FAR1: variants seen among roughly 807,000 people sequenced by gnomAD.
The protein encoded by FAR1 is male sterility domain-containing protein 2.
A neutral mutation model predicts 61.1 loss-of-function variants in FAR1; 22 were observed. The ratio of observed to expected loss-of-function variants is 0.36; its 90% CI spans 0.26 to 0.51. FAR1 has a LOEUF of 0.51. Ranked by LOEUF, FAR1 falls within the 20% of genes least tolerant of loss-of-function variation. The probability of loss-of-function intolerance (pLI) is 0.95; values close to 1 mark genes in which losing one functional copy is unlikely to be tolerated. For synonymous variants in FAR1, 206 were observed against 209.7 expected (o/e 0.98, Z 0.15); for missense variants, 359 against 626.9 (o/e 0.57, Z 4.56).
intron 1 of FAR1, among the ~76,000 whole-genome samples, chr11:13,678,335 G>A (rs574124800): frequency 2.0e-5 from 3 of 152,076 alleles, no homozygotes; most frequent in Non-Finnish European, 4.4e-5. Flanking sequence ...TGCGATCTCC[G>A]CTCACTGCAA....
intron 3 of FAR1, among the ~76,000 whole-genome samples, chr11:13,703,588 T>C (rs1352578996): frequency 6.6e-6 from 1 of 152,154 alleles, no homozygotes; most frequent in Non-Finnish European, 1.5e-5. Context: ...ATAACCATAA[T>C]GTAGGATAGA....
chr11:13,729,080 CTG>C lies in FAR1; in HGVS notation c.*309_*310del, dbSNP rs1848694774. 1 of 203,650 alleles carries C rather than the reference CTG, an allele frequency of 4.9e-6. No individual in the cohort carries two copies. Among genetic ancestry groups the C allele is most frequent in the Non-Finnish European group, 1.0e-5 (1 of 99,040 alleles). The allele number at this position is 203,650 out of a possible 1,614,324, so 12.6% of individuals were successfully genotyped here. A position where few individuals can be genotyped will look rare whatever the true frequency, so the allele number is the denominator to read the frequency against. On this transcript the variant is annotated 3_prime_UTR_variant, in exon 12 of 12. Coordinates refer to ENST00000354817, the MANE Select transcript of FAR1 (RefSeq NM_032228.6). ...GAAATAGGAACACTGACCAGTATAA[CTG>C]TGCAATTCTGGAACATATTAATTAA... is the stretch of plus-strand genomic sequence containing the variant.
chr11:13,677,286 A>G (rs10500796), intron 1 of FAR1, among the ~76,000 whole-genome samples: 29,059 of 152,146 alleles, frequency 0.19, 2,936 homozygotes, highest in Non-Finnish European at 0.2. Flanking sequence ...GCTTAATTCC[A>G]TTCCACAGTT....
chr11:13,670,724 T>A lies in FAR1; in HGVS notation c.-8+1918T>A, dbSNP rs192155498. On this transcript the variant is annotated intron_variant, in intron 1 of 11. Transcript: ENST00000354817. ...CTAAGTAGCTTGAGGGTTTTTTTTT[T>A]TTTTTCACTCAGGAAAGACATGGTA... Among the ~76,000 whole-genome samples the A allele has an allele frequency of 2.4e-3, 363 of 152,102 alleles. 1 individual carries two copies. The highest frequency in any genetic ancestry group is 5.2e-3 in the Admixed American group (80 of 15,282).
chr11:13,702,400 A>T (rs1216009674), intron 3 of FAR1, among the ~76,000 whole-genome samples: 1 of 152,142 alleles, frequency 6.6e-6, no homozygotes. Flanking sequence ...TAAAAGTAAC[A>T]CCTATAAGAA....
intron 10 of FAR1, among the ~76,000 whole-genome samples, chr11:13,725,780 A>T (rs1281987562): frequency 3.9e-5 from 6 of 152,134 alleles, no homozygotes; most frequent in Non-Finnish European, 8.8e-5. Context: ...TAAGCAGCAT[A>T]TAGCTGTTAG....
intron 1 of FAR1, among the ~76,000 whole-genome samples, chr11:13,693,745 C>T (rs182914253): frequency 2.6e-5 from 4 of 152,088 alleles, no homozygotes; most frequent in African/African-American, 9.7e-5. Flanking sequence ...TATGGCTATT[C>T]TACCAATTCA....
chr11:13,695,564 A>G (rs955887282), intron 2 of FAR1, among the ~76,000 whole-genome samples: 3 of 152,204 alleles, frequency 2.0e-5, no homozygotes, highest in African/African-American at 7.2e-5. Context: ...ATTTACTAAT[A>G]AATAGTAAGT....
rs750601898 is a variant in FAR1 at position 13,711,792 on chromosome 11, G to A, written c.752G>A (p.Ser251Asn). 1 of 1,601,412 alleles carries A rather than the reference G, an allele frequency of 6.2e-7. No homozygotes were observed. Among genetic ancestry groups the A allele is most frequent in the South Asian group, 1.1e-5 (1 of 88,668 alleles). The change falls in exon 6 of 12, where the codon AGT becomes AAT. Residue 251 changes from serine to asparagine, a missense_variant. Physicochemically the swap from Ser to Asn is conservative, Grantham distance 46 (BLOSUM62 1). Coordinates refer to ENST00000354817, the MANE Select transcript of FAR1 (RefSeq NM_032228.6). ...TGGATTGATAACTTTAATGGACCAA[G>A]TGGTCTCTTTATTGCGGTAAGTAAA... ...PGWIDNFNGP[S>N]GLFIAAGKGI... is the part of the protein sequence containing the mutation.
At position 13,731,830 on chromosome 11, in the gene FAR1, A is replaced by G. The variant is rs541950056; in HGVS notation, c.*3056A>G. On this transcript the variant is annotated 3_prime_UTR_variant, in exon 12 of 12. Coordinates refer to ENST00000354817, the MANE Select transcript of FAR1 (RefSeq NM_032228.6). ...ACATTGAATGATATCTTGTTAATTT[A>G]TAGGCACATTTGTGGTAATTTATAT... The G allele has an allele frequency of 1.3e-5, 2 of 152,278 alleles. No individual in the cohort carries two copies. Among genetic ancestry groups the G allele is most frequent in the Admixed American group, 1.3e-4 (2 of 15,280 alleles). 9.4% of individuals were successfully genotyped at this position (152,278 alleles called of 1,614,324 possible).
At chr11:13,716,354 T>G (rs1848556341) in intron 9 of FAR1, among the ~76,000 whole-genome samples, 1 of 152,220 alleles carries the variant, frequency 6.6e-6, no homozygotes, top group Admixed American at 6.5e-5. Context: ...ACTTAGAAGC[T>G]AAAAACAGCA....
chr11:13,710,711 A>G lies in FAR1; in HGVS notation c.564A>G (p.Leu188=), dbSNP rs149868108. The part of the protein sequence containing the change: ...IDSLEWMDDG[L]VNDITPKLIG... Reference sequence around the variant, plus strand: ...TTACCAGGTGGATGGATGATGGCCTAGTAAATGATATCACGCCAAAATTGA... The same window carrying G: ...TTACCAGGTGGATGGATGATGGCCTGGTAAATGATATCACGCCAAAATTGA... The change falls in exon 5 of 12, where the codon CTA becomes CTG. Residue 188 remains leucine, a synonymous_variant. Coordinates refer to ENST00000354817, the MANE Select transcript of FAR1 (RefSeq NM_032228.6). 395 of 1,594,918 alleles carry G rather than the reference A, an allele frequency of 2.5e-4. No individual in the cohort carries two copies. Among genetic ancestry groups the G allele is most frequent in the Non-Finnish European group, 3.2e-4 (377 of 1,174,888 alleles).
In FAR1 at chr11:13,729,565, A is replaced by G. The variant is rs1848701973; in HGVS notation, c.*791A>G. 6.6e-6 allele frequency: 1 copy of G among 152,014 alleles called. No homozygotes were observed. Among genetic ancestry groups the G allele is most frequent in the Admixed American group, 6.6e-5 (1 of 15,252 alleles). 9.4% of individuals were successfully genotyped at this position (152,014 alleles called of 1,614,324 possible). A position where few individuals can be genotyped will look rare whatever the true frequency, so the allele number is the denominator to read the frequency against. ...TTTCTTTTCCACATTATGATCAAAT[A>G]AAAATCTTGTGAGATTGTTTATGTT... On this transcript the variant is annotated 3_prime_UTR_variant, in exon 12 of 12. Coordinates refer to ENST00000354817, the MANE Select transcript of FAR1 (RefSeq NM_032228.6).
At chr11:13,702,855 C>CAGGG (rs1848391546) in intron 3 of FAR1, among the ~76,000 whole-genome samples, 1 of 152,208 alleles carries the variant, frequency 6.6e-6, no homozygotes, top group Admixed American at 6.5e-5. Flanking sequence ...ACAGCACTTT[C>CAGGG]AGGGAACTTT....
intron 2 of FAR1, among the ~76,000 whole-genome samples, chr11:13,698,514 C>A (rs913668689): frequency 2.6e-5 from 4 of 152,084 alleles, no homozygotes; most frequent in African/African-American, 9.7e-5. Flanking sequence ...TATGAACATG[C>A]TTGTATCACC....
At chr11:13,710,997 C>CA (rs1848492687) in intron 5 of FAR1, 127 bp downstream of exon 5, 4 of 778,658 alleles carry the variant, frequency 5.1e-6, no homozygotes, top group Non-Finnish European at 8.1e-6. Context: ...CATGGCAAAG[C>CA]TGTTTTGTGT....
chr11:13,706,660 AAT>A lies in FAR1; in HGVS notation c.366-1238_366-1237del, dbSNP rs553759289. On this transcript the variant is annotated intron_variant, in intron 3 of 11. Transcript: ENST00000354817. ...ATCCACTCTTTTTGTAATTTTTAAA[AAT>A]AACAATATATTGATATTAACTATAG... Among the ~76,000 whole-genome samples, 206 of 152,286 alleles carry A rather than the reference AAT, an allele frequency of 1.4e-3. 1 individual carries two copies. The highest frequency in any genetic ancestry group is 4.7e-3 in the African/African-American group (194 of 41,582).
intron 8 of FAR1, 81 bp downstream of exon 8, chr11:13,713,114 T>TC: frequency 8.1e-7 from 1 of 1,238,526 alleles, no homozygotes; most frequent in Non-Finnish European, 1.2e-6. Flanking sequence ...TTAGAATACC[T>TC]ATGAGGCATT....
chr11:13,674,628 A>T (rs1848046204), intron 1 of FAR1, among the ~76,000 whole-genome samples: 1 of 152,212 alleles, frequency 6.6e-6, no homozygotes, highest in Admixed American at 6.5e-5. Flanking sequence ...AGTAGAGAGG[A>T]TAAATTATTT....
Sources: gnomAD v4.1 joint callset for allele counts (sites outside exome capture counted in the v4.1 genomes callset) on GRCh38, gnomAD v4.1.1 for gene constraint, MANE v1.5 for transcripts, NCBI Gene and HGNC (gene_info 2026-07-23, HGNC 2026-07-21) for gene names.